The following MAPK10 variants were observed in gnomAD, a reference collection of about 807,000 sequenced individuals.
The protein encoded by MAPK10 is JNK3 alpha protein kinase.
In MAPK10, 25 loss-of-function variants were observed where a neutral mutation model predicts 59.3. That is an observed-to-expected ratio of 0.42 (90% CI 0.31 to 0.59). The LOEUF (loss-of-function observed/expected upper bound fraction) is 0.59, where lower values mean the gene tolerates loss of function less well. Among genes scored for constraint, MAPK10 ranks in the 20% least tolerant of loss-of-function variants. The probability of loss-of-function intolerance (pLI) is 0.15; values close to 1 mark genes in which losing one functional copy is unlikely to be tolerated. For synonymous variants in MAPK10, 190 were observed against 200.5 expected (o/e 0.95, Z 0.44); for missense variants, 351 against 568.9 (o/e 0.62, Z 3.90).
In MAPK10 at chr4:86,509,442, G is replaced by A. The variant is rs373706471; in HGVS notation, c.-263+84468C>T. On this transcript the variant is annotated intron_variant, in intron 1 of 4. Coordinates refer to the MAPK10 transcript ENST00000502302. ...AAATTGCTTTGTCTGTCTGTTACAC[G>A]GGGGCCAGAAACGCTGACCAAAAAA... is the stretch of plus-strand genomic sequence containing the variant. Among the ~76,000 whole-genome samples, 10 of 151,242 alleles carry A rather than the reference G, an allele frequency of 6.6e-5. No homozygotes were observed. In the East Asian group the frequency reaches 1.4e-3, roughly 20 times the overall value.
At chr4:86,335,555 C>T (rs1045165519) in intron 2 of MAPK10, among the ~76,000 whole-genome samples, 2 of 151,842 alleles carry the variant, frequency 1.3e-5, no homozygotes, top group African/African-American at 2.4e-5. Context: ...TTCTCTTACT[C>T]CTTTCTTTCT....
intron 1 of MAPK10, among the ~76,000 whole-genome samples, chr4:86,544,042 G>A (rs1267419374): frequency 2.6e-5 from 4 of 152,178 alleles, no homozygotes; most frequent in African/African-American, 9.7e-5. Context: ...TTGTCTCTTT[G>A]TCCAATATAG....
intron 1 of MAPK10, among the ~76,000 whole-genome samples, chr4:86,430,484 T>G (rs1747892281): frequency 6.6e-6 from 1 of 152,138 alleles, no homozygotes; most frequent in South Asian, 2.1e-4. Context: ...AGAGAGAGAA[T>G]TCCTGACAGC....
intron 1 of MAPK10, among the ~76,000 whole-genome samples, chr4:86,563,408 C>G (rs1760822977): frequency 6.6e-6 from 1 of 152,024 alleles, no homozygotes; most frequent in South Asian, 2.1e-4. Context: ...GAAAAGAAAT[C>G]AGAATATTTG....
chr4:86,347,408 G>A lies in MAPK10; in HGVS notation c.-7+7122C>T, dbSNP rs1728829170. On this transcript the variant is annotated intron_variant, in intron 2 of 13. Transcript: ENST00000641462. ...GGAAAATCCCAATTTCTAAGAGAAA[G>A]CATTGAATTTGTGCTCCTGATCTGG... 3.3e-5 allele frequency among the ~76,000 whole-genome samples: 5 copies of A among 152,144 alleles called. No homozygotes were observed. The South Asian group carries it at 8.3e-4, about 25-fold the overall frequency.
chr4:86,265,561 G>T (rs2094199472), intron 2 of MAPK10, among the ~76,000 whole-genome samples: 1 of 152,014 alleles, frequency 6.6e-6, no homozygotes, highest in East Asian at 1.9e-4. Flanking sequence ...CCCCAAAGTG[G>T]CCTGCCAAGT....
intron 1 of MAPK10, among the ~76,000 whole-genome samples, chr4:86,592,756 C>A (rs1274439847): frequency 6.6e-6 from 1 of 152,194 alleles, no homozygotes; most frequent in Non-Finnish European, 1.5e-5. Flanking sequence ...TTGTTGTTCC[C>A]CTCAACTGAC....
At chr4:86,226,537 A>G (rs1405043555) in intron 2 of MAPK10, among the ~76,000 whole-genome samples, 1 of 152,248 alleles carries the variant, frequency 6.6e-6, no homozygotes, top group Non-Finnish European at 1.5e-5. Flanking sequence ...AAGTTAGTAC[A>G]GTAACCAGCA....
intron 1 of MAPK10, among the ~76,000 whole-genome samples, chr4:86,420,725 G>A (rs574520161): frequency 6.6e-6 from 1 of 152,260 alleles, no homozygotes; most frequent in South Asian, 2.1e-4. Flanking sequence ...GAAGGTCAAG[G>A]CTGCAGTGAG....
chr4:86,532,309 A>C (rs1322213904), intron 1 of MAPK10, among the ~76,000 whole-genome samples: 1 of 152,122 alleles, frequency 6.6e-6, no homozygotes, highest in Non-Finnish European at 1.5e-5. Context: ...AAGCTACTAT[A>C]AGGCAAGAAG....
chr4:86,368,623 A>G (rs529490603), intron 1 of MAPK10, among the ~76,000 whole-genome samples: 19 of 152,306 alleles, frequency 1.2e-4, no homozygotes, highest in Admixed American at 4.6e-4. Flanking sequence ...TTAAGCTTAT[A>G]AAAGTACGGG....
intron 1 of MAPK10, among the ~76,000 whole-genome samples, chr4:86,590,925 A>G (rs1393504802): frequency 6.6e-6 from 1 of 152,180 alleles, no homozygotes; most frequent in Non-Finnish European, 1.5e-5. Context: ...GTTATTTCTC[A>G]TAAGTCTGTC....
chr4:86,034,590 CTG>C (rs2039793763), intron 11 of MAPK10, among the ~76,000 whole-genome samples: 1 of 152,092 alleles, frequency 6.6e-6, no homozygotes, highest in Admixed American at 6.5e-5. Context: ...ATATAAAAAA[CTG>C]AGATTTCAAA....
intron 3 of MAPK10, 130 bp from the exon 4 acceptor site, chr4:86,159,597 A>C: frequency 1.5e-6 from 1 of 686,870 alleles, no homozygotes; most frequent in Admixed American, 3.2e-5. Flanking sequence ...TGAAGTTCAC[A>C]TAGAAAAAAA....
intron 2 of MAPK10, chr4:86,335,163 G>A (rs1045007339): frequency 2.6e-5 from 4 of 152,066 alleles, no homozygotes; most frequent in Admixed American, 6.5e-5. Context: ...TAGCCTGAAC[G>A]AAATGAAAGG....
intron 2 of MAPK10, among the ~76,000 whole-genome samples, chr4:86,236,752 G>A (rs1328152813): frequency 6.6e-6 from 1 of 152,130 alleles, no homozygotes; most frequent in African/African-American, 2.4e-5. Flanking sequence ...AGAACCTGGT[G>A]AGATAAGGAT....
intron 11 of MAPK10, among the ~76,000 whole-genome samples, chr4:86,057,816 G>C (rs1270006870): frequency 6.7e-6 from 1 of 150,042 alleles, no homozygotes; most frequent in African/African-American, 2.5e-5. Context: ...ATAAAAAAGA[G>C]GTGAGTGAGA....
At chr4:86,183,188 T>A (rs910745930) in intron 3 of MAPK10, among the ~76,000 whole-genome samples, 2 of 152,144 alleles carry the variant, frequency 1.3e-5, no homozygotes, top group East Asian at 1.9e-4. Flanking sequence ...GTGCACATTG[T>A]GCAGGTTAGT....
chr4:86,321,379 TATACACCATGG>T, intron 2 of MAPK10, among the ~76,000 whole-genome samples: 1 of 151,868 alleles, frequency 6.6e-6, no homozygotes, highest in South Asian at 2.1e-4. Flanking sequence ...ATGTGGCACA[TATACACCATGG>T]AATACTATGC....
Sources: allele counts gnomAD v4.1 joint callset (sites outside exome capture counted in the v4.1 genomes callset), GRCh38; gene constraint gnomAD v4.1.1; transcripts MANE v1.5; gene names NCBI Gene and HGNC (gene_info 2026-07-23, HGNC 2026-07-21).